The following MIB1 variants were observed in gnomAD, a reference collection of about 807,000 sequenced individuals.
MIB1 encodes the protein E3 ubiquitin-protein ligase MIB1.
A neutral mutation model predicts 124.5 loss-of-function variants in MIB1; 278 were observed. That is an observed-to-expected ratio of 2.23 (90% confidence interval 2.02 to 2.47). MIB1 has a LOEUF of 2.47. Among genes scored for constraint, MIB1 ranks in the 30% most tolerant of loss-of-function variants. The pLI is 0.00. For missense variants in MIB1, 957 were observed against 1,254.4 expected (o/e 0.76, Z 3.58); for synonymous variants, 446 against 429.4 (o/e 1.04, Z -0.48).
chr18:21,817,151 ATTC>A (rs2041836997), intron 11 of MIB1, among the ~76,000 whole-genome samples: 3 of 109,292 alleles, frequency 2.7e-5, no homozygotes, highest in African/African-American at 8.0e-5. Flanking sequence ...TGGGTTAGGA[ATTC>A]TTTTTTTTTT....
intron 1 of MIB1, among the ~76,000 whole-genome samples, chr18:21,713,988 A>G (rs568667486): frequency 2.0e-5 from 3 of 152,334 alleles, no homozygotes; most frequent in East Asian, 1.9e-4. Context: ...ATAGGAGCAC[A>G]AACAGCTATA....
chr18:21,723,888 T>C (rs1431359179), intron 1 of MIB1, among the ~76,000 whole-genome samples: 1 of 152,058 alleles, frequency 6.6e-6, no homozygotes, highest in Admixed American at 6.6e-5. Context: ...ACTTTTTTTT[T>C]TTTTTAAGAG....
chr18:21,840,646 TATATATATATATATATA>T (rs2042076113), intron 13 of MIB1, among the ~76,000 whole-genome samples: 2 of 4,402 alleles, frequency 4.5e-4, no homozygotes, highest in African/African-American at 5.5e-4. Context: ...TATATATATA[TATATATATATATATATA>T]TATTTTTTTT....
intron 4 of MIB1, among the ~76,000 whole-genome samples, chr18:21,776,484 T>G (rs906209001): frequency 1.3e-5 from 2 of 152,314 alleles, no homozygotes; most frequent in South Asian, 4.1e-4. Context: ...ATCTACTATA[T>G]ACACCTGTAC....
At chr18:21,854,820 C>T in intron 18 of MIB1, 1 of 187,832 alleles carries the variant, frequency 5.3e-6, no homozygotes, top group South Asian at 1.2e-4. Context: ...TGAGGTCTCA[C>T]AGCATAAATC....
At chr18:21,823,649 T>C (rs1047966480) in intron 12 of MIB1, among the ~76,000 whole-genome samples, 2 of 152,164 alleles carry the variant, frequency 1.3e-5, no homozygotes, top group African/African-American at 4.8e-5. Flanking sequence ...TCTTTTAGAA[T>C]TGTGGAAGGG....
chr18:21,858,059 C>T (rs1421417649), intron 19 of MIB1, among the ~76,000 whole-genome samples: 1 of 152,214 alleles, frequency 6.6e-6, no homozygotes, highest in Non-Finnish European at 1.5e-5. Flanking sequence ...TTCCTCATCT[C>T]AGATCAGTAA....
rs1446429878 is a variant in MIB1, at chr18:21,867,421, C to T, written c.*2755C>T. On this transcript the variant is annotated 3_prime_UTR_variant, in exon 21 of 21. Transcript: ENST00000261537. Reference sequence around the variant, plus strand: ...ATACAACATACCAGATGGTGCTGTTCTAATGGTATTTGTTCACGTAATTTA... The same window carrying T: ...ATACAACATACCAGATGGTGCTGTTTTAATGGTATTTGTTCACGTAATTTA... 1 of 152,508 alleles carries T rather than the reference C, an allele frequency of 6.6e-6. No homozygotes were observed. Among genetic ancestry groups the T allele is most frequent in the Non-Finnish European group, 1.5e-5 (1 of 68,006 alleles). The allele number at this position is 152,508 out of a possible 1,614,324, so 9.4% of individuals were successfully genotyped here.
At chr18:21,742,116 C>T (rs764564348) in intron 1 of MIB1, among the ~76,000 whole-genome samples, 26 of 152,272 alleles carry the variant, frequency 1.7e-4, no homozygotes, top group Non-Finnish European at 3.1e-4. Context: ...CCGACTCCTC[C>T]TCTTGGGAAG....
rs548175793 is a variant in MIB1, at chr18:21,797,730, A to G, written c.1093-354A>G. ...TTTTAGAAATCCAATTTTCTTTTTC[A>G]GGCTATATTGATGATAGATTTTAGA... is the stretch of plus-strand genomic sequence containing the variant. On this transcript the variant is annotated intron_variant, in intron 7 of 20. Transcript: ENST00000261537. Among the ~76,000 whole-genome samples the G allele has an allele frequency of 3.3e-5, 5 of 152,042 alleles. No individual in the cohort carries two copies. In the East Asian group the frequency reaches 9.7e-4, roughly 29 times the overall value.
chr18:21,806,012 T>A (rs2041701716), intron 10 of MIB1, among the ~76,000 whole-genome samples: 1 of 151,282 alleles, frequency 6.6e-6, no homozygotes, highest in African/African-American at 2.4e-5. Flanking sequence ...AAGTGATTGT[T>A]GTGCCTCAGC....
intron 12 of MIB1, among the ~76,000 whole-genome samples, chr18:21,836,146 C>T (rs531478047): frequency 2.0e-5 from 3 of 151,780 alleles, no homozygotes; most frequent in East Asian, 1.9e-4. Context: ...CCCAGCTACT[C>T]GGGAGGCTAA....
intron 1 of MIB1, among the ~76,000 whole-genome samples, chr18:21,709,829 G>C (rs1268147772): frequency 3.3e-5 from 5 of 152,190 alleles, no homozygotes; most frequent in Admixed American, 1.3e-4. Flanking sequence ...TGTGAGCAAA[G>C]ACCTAGATAA....
chr18:21,847,984 A>G (rs1158455351), intron 16 of MIB1, among the ~76,000 whole-genome samples: 1 of 152,156 alleles, frequency 6.6e-6, no homozygotes, highest in Non-Finnish European at 1.5e-5. Flanking sequence ...CTTGTCACTG[A>G]AATTTCAGTA....
At chr18:21,711,292 TA>T (rs1313958966) in intron 1 of MIB1, among the ~76,000 whole-genome samples, 1 of 152,132 alleles carries the variant, frequency 6.6e-6, no homozygotes, top group African/African-American at 2.4e-5. Flanking sequence ...TTTTTATTTT[TA>T]TTTTTTGAAA....
At chr18:21,735,634 C>T (rs1278277109) in intron 1 of MIB1, among the ~76,000 whole-genome samples, 1 of 152,252 alleles carries the variant, frequency 6.6e-6, no homozygotes, top group African/African-American at 2.4e-5. Flanking sequence ...GCTTGAAATT[C>T]TCGCTGCTAG....
chr18:21,732,624 C>T (rs1004352416), intron 1 of MIB1, among the ~76,000 whole-genome samples: 5 of 151,988 alleles, frequency 3.3e-5, no homozygotes, highest in Admixed American at 2.0e-4. Context: ...GTCATGAATT[C>T]CTGGGATCAA....
intron 1 of MIB1, among the ~76,000 whole-genome samples, chr18:21,713,754 C>CT (rs79864353): frequency 0.052 from 7,120 of 138,214 alleles, 358 homozygotes; most frequent in African/African-American, 0.12. Context: ...CACCCCTCTC[C>CT]TTTTTTTTTT....
intron 7 of MIB1, 44 bp downstream of exon 7, chr18:21,791,601 C>G: frequency 7.0e-7 from 1 of 1,430,158 alleles, no homozygotes; most frequent in Non-Finnish European, 9.6e-7. Flanking sequence ...TTACAATATA[C>G]TTATGTCATT....
Sources: allele counts gnomAD v4.1 joint callset (sites outside exome capture counted in the v4.1 genomes callset), GRCh38; gene constraint gnomAD v4.1.1; transcripts MANE v1.5; gene names NCBI Gene and HGNC (gene_info 2026-07-23, HGNC 2026-07-21).